The following BBS9 variants were observed in gnomAD, a reference collection of about 807,000 sequenced individuals.
The protein encoded by BBS9 is protein PTHB1.
Under a neutral mutation model 117.7 loss-of-function variants are expected in BBS9, and 89 were observed. The observed-to-expected ratio is 0.76, with a 90% CI of 0.64 to 0.90. BBS9 has a LOEUF of 0.90. Among genes scored for constraint, BBS9 ranks in the 40% least tolerant of loss-of-function variants. BBS9 has a pLI of 0.00. For missense variants in BBS9, 982 were observed against 1,042.2 expected, an observed-to-expected ratio of 0.94 and a Z score of 0.80; for synonymous variants, 379 against 370.9, an observed-to-expected ratio of 1.02 and a Z score of -0.25.
chr7:33,635,086 G>A lies in BBS9; in HGVS notation c.2522-91G>A, dbSNP rs547489833. 1.8e-4 allele frequency among the ~76,000 whole-genome samples: 28 copies of A among 152,246 alleles called. No individual in the cohort carries two copies. In the South Asian group the frequency reaches 5.8e-3, roughly 32 times the overall value. On this transcript the variant is annotated intron_variant, in intron 21 of 21. Transcript: ENST00000671952. The stretch of plus-strand genomic sequence containing the variant: ...TCCTGTGCTCAGAATTAGATGCTGC[G>A]ATCTGTGTGAGGGACATGGCATGGA...
At chr7:33,539,471 T>C (rs1379129718) in intron 21 of BBS9, among the ~76,000 whole-genome samples, 1 of 152,216 alleles carries the variant, frequency 6.6e-6, no homozygotes, top group Non-Finnish European at 1.5e-5. Context: ...ATTGTCCTTA[T>C]AACAGGAAAT....
intron 19 of BBS9, among the ~76,000 whole-genome samples, chr7:33,401,056 A>C (rs1200756256): frequency 6.6e-6 from 1 of 152,136 alleles, no homozygotes; most frequent in Non-Finnish European, 1.5e-5. Context: ...TTTTTATATG[A>C]TTTCCATATC....
chr7:33,243,483 G>T (rs1381462362), intron 5 of BBS9, among the ~76,000 whole-genome samples: 1 of 152,128 alleles, frequency 6.6e-6, no homozygotes, highest in African/African-American at 2.4e-5. Context: ...TAATGGGATC[G>T]TACTGCCTAC....
intron 9 of BBS9, among the ~76,000 whole-genome samples, chr7:33,320,439 G>A (rs1484268402): frequency 2.0e-5 from 3 of 152,122 alleles, no homozygotes; most frequent in Non-Finnish European, 4.4e-5. Flanking sequence ...TTTTATGGCT[G>A]AATAGTATTC....
intron 21 of BBS9, among the ~76,000 whole-genome samples, chr7:33,568,291 G>C (rs1339601907): frequency 6.6e-6 from 1 of 151,966 alleles, no homozygotes; most frequent in Non-Finnish European, 1.5e-5. Flanking sequence ...TGCTTGGTGA[G>C]TTTCTAATTG....
intron 19 of BBS9, among the ~76,000 whole-genome samples, chr7:33,450,255 T>A (rs1343588722): frequency 6.6e-6 from 1 of 152,220 alleles, no homozygotes; most frequent in South Asian, 2.1e-4. Context: ...TGCCATACCC[T>A]AGTTTCTTTA....
chr7:33,173,751 C>A (rs1300459921), intron 4 of BBS9, among the ~76,000 whole-genome samples: 3 of 152,220 alleles, frequency 2.0e-5, no homozygotes, highest in Non-Finnish European at 4.4e-5. Context: ...TTCTGTTAGA[C>A]TTTACTGCTT....
intron 5 of BBS9, among the ~76,000 whole-genome samples, chr7:33,203,008 A>G (rs1786172961): frequency 6.6e-6 from 1 of 152,136 alleles, no homozygotes; most frequent in African/African-American, 2.4e-5. Flanking sequence ...CTGACCAACA[A>G]GGATTTGCCA....
chr7:33,611,630 ATATTAT>A lies in BBS9; in HGVS notation c.2522-23543_2522-23538del, dbSNP rs77462907. Among the ~76,000 whole-genome samples the A allele has an allele frequency of 5.6e-4, 73 of 129,346 alleles. 1 individual carries two copies. In the East Asian group the frequency reaches 0.014, roughly 25 times the overall value. The allele number at this position is 129,346 out of a possible 152,430, so 84.9% of individuals were successfully genotyped here. On this transcript the variant is annotated intron_variant, in intron 21 of 21. Coordinates refer to the BBS9 transcript ENST00000671952. ...ATTAATTAATATTAATTATTTAATA[ATATTAT>A]TATATAAGGTATATTATATATTAAA...
chr7:33,289,108 C>G (rs960659006), intron 9 of BBS9, among the ~76,000 whole-genome samples: 1 of 152,118 alleles, frequency 6.6e-6, no homozygotes, highest in African/African-American at 2.4e-5. Context: ...ATAATTGCTT[C>G]CCTTTCAGAT....
chr7:33,624,181 C>T (rs1865537414), intron 21 of BBS9, among the ~76,000 whole-genome samples: 1 of 152,086 alleles, frequency 6.6e-6, no homozygotes, highest in African/African-American at 2.4e-5. Flanking sequence ...GACTTTATTT[C>T]CCTTGGTTTA....
intron 5 of BBS9, among the ~76,000 whole-genome samples, chr7:33,220,347 G>T (rs1409088581): frequency 6.6e-6 from 1 of 152,196 alleles, no homozygotes; most frequent in Non-Finnish European, 1.5e-5. Flanking sequence ...CAGGGCAGAT[G>T]CTGCTGATTC....
chr7:33,373,835 G>A (rs576362608), intron 17 of BBS9, among the ~76,000 whole-genome samples: 1 of 152,238 alleles, frequency 6.6e-6, no homozygotes, highest in Non-Finnish European at 1.5e-5. Flanking sequence ...TAGAAGGATT[G>A]TAGTCACATA....
chr7:33,406,138 G>C (rs1829938386), intron 19 of BBS9, among the ~76,000 whole-genome samples: 1 of 152,166 alleles, frequency 6.6e-6, no homozygotes, highest in South Asian at 2.1e-4. Context: ...CAGTTTCCAT[G>C]TAGTTGAGTG....
At chr7:33,512,025 G>C (rs963855786) in intron 20 of BBS9, among the ~76,000 whole-genome samples, 3 of 152,152 alleles carry the variant, frequency 2.0e-5, no homozygotes, top group African/African-American at 7.2e-5. Context: ...AATTATAACT[G>C]TCTATGGGAA....
At chr7:33,424,603 C>A (rs1333152181) in intron 19 of BBS9, among the ~76,000 whole-genome samples, 1 of 152,042 alleles carries the variant, frequency 6.6e-6, no homozygotes, top group Non-Finnish European at 1.5e-5. Context: ...TTACCAGAAA[C>A]AGGTATTTAA....
chr7:33,281,329 A>G (rs1232176776), intron 9 of BBS9, among the ~76,000 whole-genome samples: 1 of 127,650 alleles, frequency 7.8e-6, no homozygotes, highest in Non-Finnish European at 1.7e-5. Flanking sequence ...CTTTGAGTTC[A>G]CTTAGATATT....
rs542881606 is a variant in BBS9 at position 33,300,229 on chromosome 7, C to T, written c.1016+26273C>T. Among the ~76,000 whole-genome samples the T allele has an allele frequency of 6.8e-4, 104 of 152,242 alleles. 2 individuals carry two copies. In the South Asian group the frequency reaches 0.015, roughly 22 times the overall value. On this transcript the variant is annotated intron_variant, in intron 9 of 22. Coordinates refer to ENST00000242067, the MANE Select transcript of BBS9 (RefSeq NM_198428.3). ...TGAGGAAGTTAATACTCTGACCCCA[C>T]CTTCCTCCCTCTCTCCAGTCTCTTG...
intron 16 of BBS9, among the ~76,000 whole-genome samples, chr7:33,366,327 A>T (rs1255238742): frequency 6.6e-6 from 1 of 152,006 alleles, no homozygotes; most frequent in African/African-American, 2.4e-5. Context: ...CATCTTAGGT[A>T]TGCCGATATA....
Sources: gnomAD v4.1 joint callset for allele counts (sites outside exome capture counted in the v4.1 genomes callset) on GRCh38, gnomAD v4.1.1 for gene constraint, MANE v1.5 for transcripts, NCBI Gene and HGNC (gene_info 2026-07-23, HGNC 2026-07-21) for gene names.